Variants in ATG10 observed in about 807,000 individuals in gnomAD.
ATG10 encodes the protein autophagy related 10.
ATG10 carries 30 observed loss-of-function variants against 32.1 expected under a neutral mutation model. That is an observed-to-expected ratio of 0.94 (90% CI 0.70 to 1.27). The LOEUF is 1.27. Among genes scored for constraint, ATG10 ranks in the 50% most tolerant of loss-of-function variants. The probability of loss-of-function intolerance (pLI) is 0.00; values close to 1 mark genes in which losing one functional copy is unlikely to be tolerated. For missense variants in ATG10, 233 were observed against 262.3 expected, an observed-to-expected ratio of 0.89 and a Z score of 0.77; for synonymous variants, 87 against 91.5, an observed-to-expected ratio of 0.95 and a Z score of 0.28.
intron 3 of ATG10, among the ~76,000 whole-genome samples, chr5:82,089,229 C>T (rs746416322): frequency 2.6e-5 from 4 of 151,946 alleles, no homozygotes; most frequent in Non-Finnish European, 4.4e-5. Context: ...GAAATCCCAG[C>T]TACTCAGGAG....
chr5:82,116,306 G>A (rs957032254), intron 3 of ATG10, among the ~76,000 whole-genome samples: 4 of 151,990 alleles, frequency 2.6e-5, no homozygotes, highest in African/African-American at 9.7e-5. Flanking sequence ...TTGAGAGAAT[G>A]AGCAGATAAT....
chr5:82,037,661 A>G (rs1762974567), intron 2 of ATG10, among the ~76,000 whole-genome samples: 1 of 152,090 alleles, frequency 6.6e-6, no homozygotes, highest in African/African-American at 2.4e-5. Context: ...ATGTATTTTT[A>G]TTAGATTCTT....
At chr5:82,109,008 G>A (rs1216737562) in intron 3 of ATG10, among the ~76,000 whole-genome samples, 1 of 152,042 alleles carries the variant, frequency 6.6e-6, no homozygotes, top group African/African-American at 2.4e-5. Flanking sequence ...AAAAGTCAGA[G>A]CTACAACTTG....
At chr5:82,192,031 T>C (rs1323984822) in intron 5 of ATG10, among the ~76,000 whole-genome samples, 2 of 152,176 alleles carry the variant, frequency 1.3e-5, no homozygotes, top group African/African-American at 4.8e-5. Flanking sequence ...TGTGCAGGAT[T>C]TGGAAGGCAG....
intron 2 of ATG10, among the ~76,000 whole-genome samples, chr5:82,050,488 C>G (rs1170740854): frequency 6.6e-6 from 1 of 151,824 alleles, no homozygotes; most frequent in African/African-American, 2.4e-5. Context: ...TATTCAGTAA[C>G]TATAATTTAG....
intron 3 of ATG10, chr5:82,078,303 T>C (rs1764345170): frequency 6.6e-6 from 1 of 152,048 alleles, no homozygotes. Flanking sequence ...CTGATTGGAG[T>C]TACTTGGGCA....
intron 3 of ATG10, among the ~76,000 whole-genome samples, chr5:82,093,811 C>G (rs1356072439): frequency 6.6e-6 from 1 of 151,924 alleles, no homozygotes; most frequent in Non-Finnish European, 1.5e-5. Flanking sequence ...TCAAGTTGTG[C>G]TGTTAAGTTT....
At chr5:82,058,655 A>T (rs1763678222) in intron 3 of ATG10, 53 bp downstream of exon 3, 55 of 1,188,424 alleles carry the variant, frequency 4.6e-5, no homozygotes, top group Non-Finnish European at 6.3e-5. Flanking sequence ...GTATACATTT[A>T]AAAATGTATA....
At chr5:82,181,443 G>A (rs1439034353) in intron 5 of ATG10, among the ~76,000 whole-genome samples, 2 of 152,036 alleles carry the variant, frequency 1.3e-5, no homozygotes, top group South Asian at 2.1e-4. Context: ...TTGGTTAATG[G>A]GTTGGTATTT....
At chr5:82,051,464 A>T (rs559372617) in intron 2 of ATG10, among the ~76,000 whole-genome samples, 20 of 152,212 alleles carry the variant, frequency 1.3e-4, no homozygotes, top group African/African-American at 4.8e-4. Context: ...AGACGTGCAA[A>T]TTTCTTTATC....
Position 82,058,542 on chromosome 5 carries a change from T to A in ATG10, c.156T>A (p.Asn52Lys), listed in dbSNP as rs137936585. The change falls in exon 3 of 8, where the codon AAT (asparagine) becomes AAA (lysine). Residue 52 changes from asparagine (N) to lysine (K), a missense_variant. Transcript: ENST00000282185. ...YMCKIHFQIKNGSVMSHLGAS... is the reference protein window; with the variant it reads ...YMCKIHFQIKKGSVMSHLGAS... ...GCAAAATACACTTTCAAATTAAGAA[T>A]GGGTCTGTGATGTCACATCTAGGAG... 2.4e-4 allele frequency: 393 copies of A among 1,613,364 alleles called. 2 individuals carry two copies. Among genetic ancestry groups the A allele is most frequent in the South Asian group, 1.3e-3 (116 of 91,032 alleles).
At chr5:81,990,609 G>A (rs1761425597) in intron 2 of ATG10, among the ~76,000 whole-genome samples, 1 of 152,238 alleles carries the variant, frequency 6.6e-6, no homozygotes, top group South Asian at 2.1e-4. Context: ...AAAGGGATGT[G>A]TAAGTCTAGC....
In ATG10 at chr5:82,037,129, C is replaced by CAAAAA. The variant is rs1159037400; in HGVS notation, c.109-21344_109-21340dup. The stretch of plus-strand genomic sequence containing the variant: ...CTGGCAACAGAATGAGACTCTGTCT[C>CAAAAA]AAAAAAAAAAAAAAAAAAAAAAAAA... On this transcript the variant is annotated intron_variant, in intron 2 of 7. Coordinates refer to ENST00000282185, the MANE Select transcript of ATG10 (RefSeq NM_031482.5). Among the ~76,000 whole-genome samples, 69 of 25,800 alleles carry CAAAAA rather than the reference C, an allele frequency of 2.7e-3. 7 individuals are homozygous for CAAAAA. Among genetic ancestry groups the CAAAAA allele is most frequent in the African/African-American group, 8.6e-3 (58 of 6,736 alleles). 16.9% of individuals were successfully genotyped at this position (25,800 alleles called of 152,430 possible).
At chr5:82,070,220 C>T (rs1764083641) in intron 3 of ATG10, among the ~76,000 whole-genome samples, 1 of 152,070 alleles carries the variant, frequency 6.6e-6, no homozygotes, top group Non-Finnish European at 1.5e-5. Flanking sequence ...ATTTTTTGGT[C>T]AGTGAATGGG....
chr5:81,988,854 C>T (rs1225354274), intron 2 of ATG10, among the ~76,000 whole-genome samples: 1 of 152,038 alleles, frequency 6.6e-6, no homozygotes, highest in African/African-American at 2.4e-5. Context: ...TGTTTTGAGA[C>T]AGTCTTGCTT....
chr5:82,099,259 G>A (rs1002833009), intron 3 of ATG10, among the ~76,000 whole-genome samples: 10 of 152,124 alleles, frequency 6.6e-5, no homozygotes, highest in Admixed American at 2.0e-4. Flanking sequence ...TTTTTAAAAA[G>A]TACATCGATT....
At chr5:81,972,896 A>G (rs1274033605) in intron 1 of ATG10, among the ~76,000 whole-genome samples, 4 of 152,218 alleles carry the variant, frequency 2.6e-5, no homozygotes, top group Non-Finnish European at 5.9e-5. Context: ...AAATAAGGCA[A>G]AAGGACAGCA....
chr5:82,070,134 A>G (rs1271624675), intron 3 of ATG10, among the ~76,000 whole-genome samples: 16 of 152,192 alleles, frequency 1.1e-4, no homozygotes, highest in East Asian at 1.9e-4. Context: ...TTCAGAATGC[A>G]TTGAAAAGAC....
At position 82,065,985 on chromosome 5, in the gene ATG10, T is replaced by A. The variant is rs187892642; in HGVS notation, c.216+7383T>A. On this transcript the variant is annotated intron_variant, in intron 3 of 7. Coordinates refer to ENST00000282185, the MANE Select transcript of ATG10 (RefSeq NM_031482.5). The stretch of plus-strand genomic sequence containing the variant: ...TGAGAAATAAGGTGTAAGTTTTTTT[T>A]AAAAAAATCGTGTCCAGCACTCATC... Among the ~76,000 whole-genome samples, 741 of 152,160 alleles carry A rather than the reference T, an allele frequency of 4.9e-3. 4 individuals are homozygous for A. Among genetic ancestry groups the A allele is most frequent in the African/African-American group, 0.014 (579 of 41,524 alleles).
Sources: allele counts gnomAD v4.1 joint callset (sites outside exome capture counted in the v4.1 genomes callset), GRCh38; gene constraint gnomAD v4.1.1; transcripts MANE v1.5; gene names NCBI Gene and HGNC (gene_info 2026-07-23, HGNC 2026-07-21).